The following HPSE2 variants were observed in gnomAD, a reference collection of about 807,000 sequenced individuals.
HPSE2 encodes the protein heparanase 2 (inactive).
Under a neutral mutation model 60.5 loss-of-function variants are expected in HPSE2, and 38 were observed. That is an observed-to-expected ratio of 0.63 (90% confidence interval 0.48 to 0.82). The LOEUF is 0.82. HPSE2 is among the 40% of genes least tolerant of loss of function. The pLI, the probability that HPSE2 is intolerant of heterozygous loss-of-function variation, is 0.00. For synonymous variants in HPSE2, 295 were observed against 293.2 expected (o/e 1.01, Z -0.06); for missense variants, 713 against 740.4 (o/e 0.96, Z 0.43).
chr10:99,204,644 A>C (rs1353014766), intron 2 of HPSE2, among the ~76,000 whole-genome samples: 2 of 152,218 alleles, frequency 1.3e-5, no homozygotes, highest in Non-Finnish European at 2.9e-5. Context: ...TCAAGAAAAT[A>C]CAGTAGACCT....
chr10:98,474,443 G>A lies in HPSE2; in HGVS notation c.1613+8193C>T, dbSNP rs142370985. Among the ~76,000 whole-genome samples the A allele has an allele frequency of 2.2e-3, 328 of 152,242 alleles. 1 individual carries two copies. The highest frequency in any genetic ancestry group is 4.3e-3 in the African/African-American group (178 of 41,544). On this transcript the variant is annotated intron_variant, in intron 11 of 11. Coordinates refer to ENST00000370552, the MANE Select transcript of HPSE2 (RefSeq NM_021828.5). ...GTCTGGTCTGTTCCAACAGGGACACGAAGATATTTTTAAAGTCTTAGCACC... is the reference window on the plus strand; with the variant it reads ...GTCTGGTCTGTTCCAACAGGGACACAAAGATATTTTTAAAGTCTTAGCACC...
chr10:99,292,738 A>G, the HPSE2 span, among the ~76,000 whole-genome samples: 1 of 152,144 alleles, frequency 6.6e-6, no homozygotes, highest in East Asian at 1.9e-4. Flanking sequence ...GATATTTTAC[A>G]TTTTACATTC....
intron 2 of HPSE2, among the ~76,000 whole-genome samples, chr10:99,162,229 CAG>C (rs1846874135): frequency 6.6e-6 from 1 of 152,006 alleles, no homozygotes; most frequent in African/African-American, 2.4e-5. Flanking sequence ...AAAACTCTAA[CAG>C]AAATAAAAAT....
chr10:99,031,890 A>G (rs182629807), intron 3 of HPSE2, among the ~76,000 whole-genome samples: 1 of 152,310 alleles, frequency 6.6e-6, no homozygotes, highest in Non-Finnish European at 1.5e-5. Flanking sequence ...TTTATATAGA[A>G]AATACCAGCC....
chr10:99,241,748 G>A, the HPSE2 span, among the ~76,000 whole-genome samples: 2 of 152,106 alleles, frequency 1.3e-5, no homozygotes, highest in Admixed American at 6.5e-5. Flanking sequence ...GTAACAGAAC[G>A]AGACCTTATC....
intron 3 of HPSE2, among the ~76,000 whole-genome samples, chr10:99,079,433 C>T (rs1242752726): frequency 6.6e-6 from 1 of 152,024 alleles, no homozygotes; most frequent in Non-Finnish European, 1.5e-5. Flanking sequence ...AGATGGTAGT[C>T]CTTTGGGCAG....
chr10:98,614,811 A>G (rs1477678972), intron 9 of HPSE2, 93 bp downstream of exon 9: 5 of 888,904 alleles, frequency 5.6e-6, no homozygotes, highest in Non-Finnish European at 9.6e-6. Context: ...GGTAACAGCA[A>G]GAGGAAAAAT....
intron 3 of HPSE2, among the ~76,000 whole-genome samples, chr10:98,982,029 A>G (rs933090640): frequency 6.6e-6 from 1 of 151,980 alleles, no homozygotes; most frequent in Non-Finnish European, 1.5e-5. Context: ...ATGAGAAAAT[A>G]GTTCTCTATC....
chr10:98,926,710 A>G (rs1047730456), intron 3 of HPSE2, among the ~76,000 whole-genome samples: 2 of 152,216 alleles, frequency 1.3e-5, no homozygotes, highest in Non-Finnish European at 2.9e-5. Flanking sequence ...AGGTAAAAAA[A>G]TTTTAAAAGG....
chr10:98,926,068 A>G (rs537191631), intron 3 of HPSE2, among the ~76,000 whole-genome samples: 2 of 152,240 alleles, frequency 1.3e-5, no homozygotes, highest in Non-Finnish European at 1.5e-5. Flanking sequence ...TGGCAGTAGA[A>G]GTAGGTGTCA....
intron 5 of HPSE2, among the ~76,000 whole-genome samples, chr10:98,695,552 A>G (rs751985161): frequency 1.3e-5 from 2 of 152,214 alleles, no homozygotes; most frequent in Non-Finnish European, 2.9e-5. Flanking sequence ...TTGCTTGGTA[A>G]GGTGGATATT....
chr10:98,607,892 CAGTTAT>C (rs1261130980), intron 9 of HPSE2, among the ~76,000 whole-genome samples: 2 of 151,950 alleles, frequency 1.3e-5, no homozygotes, highest in African/African-American at 4.8e-5. Flanking sequence ...TATCTTACCA[CAGTTAT>C]ATTCAGGTTA....
chr10:99,155,830 G>A (rs1254474287), intron 2 of HPSE2, among the ~76,000 whole-genome samples: 3 of 150,224 alleles, frequency 2.0e-5, no homozygotes, highest in Non-Finnish European at 4.4e-5. Context: ...TTTTTTGAAA[G>A]GATCAACAAA....
chr10:98,894,787 G>C (rs1268194027), intron 3 of HPSE2, among the ~76,000 whole-genome samples: 1 of 151,852 alleles, frequency 6.6e-6, no homozygotes, highest in East Asian at 1.9e-4. Flanking sequence ...GAATAACAAT[G>C]TTGCCAAGAA....
intron 9 of HPSE2, among the ~76,000 whole-genome samples, chr10:98,584,917 A>G (rs1944897899): frequency 6.6e-6 from 1 of 152,224 alleles, no homozygotes; most frequent in Admixed American, 6.5e-5. Context: ...AGACCTGCCT[A>G]GGAGTGAGTA....
chr10:99,059,074 T>C (rs1223232606), intron 3 of HPSE2, among the ~76,000 whole-genome samples: 1 of 152,226 alleles, frequency 6.6e-6, no homozygotes, highest in Non-Finnish European at 1.5e-5. Flanking sequence ...TGTCATGAAA[T>C]ATTATCCTTC....
chr10:98,977,757 A>AT (rs1482761766), intron 3 of HPSE2, among the ~76,000 whole-genome samples: 1 of 152,106 alleles, frequency 6.6e-6, no homozygotes, highest in Non-Finnish European at 1.5e-5. Context: ...GTCAAAAGTT[A>AT]TTGTATTCTC....
At chr10:98,935,003 T>A (rs1490909861) in intron 3 of HPSE2, among the ~76,000 whole-genome samples, 1 of 142,402 alleles carries the variant, frequency 7.0e-6, no homozygotes, top group Non-Finnish European at 1.5e-5. Context: ...TATTCTCTAA[T>A]CTTGTCTGCC....
chr10:98,609,851 T>C (rs2133964014), intron 9 of HPSE2, among the ~76,000 whole-genome samples: 1 of 147,774 alleles, frequency 6.8e-6, no homozygotes, highest in Non-Finnish European at 1.5e-5. Context: ...TTTTTTTTTT[T>C]TTTTTTTTGA....
Sources: allele counts gnomAD v4.1 joint callset (sites outside exome capture counted in the v4.1 genomes callset), GRCh38; gene constraint gnomAD v4.1.1; transcripts MANE v1.5; gene names NCBI Gene and HGNC (gene_info 2026-07-23, HGNC 2026-07-21).